The following CR1 variants were observed in gnomAD, a reference collection of about 807,000 sequenced individuals.
CR1 encodes the protein complement C3b/C4b receptor 1 (Knops blood group).
Under a neutral mutation model 187.3 loss-of-function variants are expected in CR1, and 116 were observed. The observed-to-expected ratio is 0.62, with a 90% CI of 0.53 to 0.72. The LOEUF is 0.72. CR1 is among the 30% of genes least tolerant of loss of function. The pLI is 0.00. For synonymous variants in CR1, 576 were observed against 747.1 expected (o/e 0.77, Z 3.73); for missense variants, 1,731 against 2,110.7 (o/e 0.82, Z 3.52).
chr1:207,520,931 G>C (rs1407018503), intron 4 of CR1, among the ~76,000 whole-genome samples: 1 of 66,768 alleles, frequency 1.5e-5, no homozygotes, highest in Non-Finnish European at 3.1e-5. Flanking sequence ...GAATTTCTTT[G>C]TATTGCTTGG....
chr1:207,625,105 A>T (rs576299351), intron 45 of CR1, among the ~76,000 whole-genome samples: 4 of 152,378 alleles, frequency 2.6e-5, no homozygotes, highest in African/African-American at 9.6e-5. Context: ...TCATTTCCTC[A>T]TATTAATCAC....
intron 27 of CR1, among the ~76,000 whole-genome samples, chr1:207,572,382 G>A (rs547674194): frequency 3.3e-5 from 5 of 151,390 alleles, no homozygotes; most frequent in Non-Finnish European, 5.9e-5. Context: ...CCACCACCCT[G>A]ATCAGTCAGC....
intron 34 of CR1, 124 bp from the exon 35 acceptor site, chr1:207,588,551 A>C: frequency 1.5e-6 from 1 of 675,806 alleles, no homozygotes; most frequent in Non-Finnish European, 2.6e-6. Context: ...AGTTTCCTCA[A>C]AGCAGTCAAT....
In CR1 at chr1:207,607,346, A is replaced by C. The variant is rs372043914; in HGVS notation, c.5896+10A>C. On this transcript the variant is annotated intron_variant, in intron 36 of 46. Transcript: ENST00000367049. ...GCACCTATTTGTGAGAGTAAGTTGA[A>C]ATACTTTTCTCCACAAATTCCTCTG... The C allele has an allele frequency of 6.9e-6, 11 of 1,595,320 alleles. No homozygotes were observed. Among genetic ancestry groups the C allele is most frequent in the Non-Finnish European group, 8.6e-6 (10 of 1,163,162 alleles).
At chr1:207,603,729 T>C (rs544949326) in intron 35 of CR1, among the ~76,000 whole-genome samples, 1 of 152,324 alleles carries the variant, frequency 6.6e-6, no homozygotes, top group African/African-American at 2.4e-5. Context: ...TTTTAGTGGT[T>C]GCATTTTGGT....
At chr1:207,618,297 A>G (rs1571604208) in intron 42 of CR1, 50 bp downstream of exon 42, 17 of 1,551,092 alleles carry the variant, frequency 1.1e-5, no homozygotes, top group Non-Finnish European at 1.5e-5. Flanking sequence ...TATGGAATGC[A>G]TGAGGCTTGT....
intron 33 of CR1, 145 bp downstream of exon 33, chr1:207,585,021 A>G (rs1661071341): frequency 7.6e-7 from 1 of 1,312,662 alleles, no homozygotes; most frequent in Admixed American, 2.7e-5. Context: ...CATAGCTAAA[A>G]CAGATGGGTT....
At chr1:207,502,780 A>G (rs1659311559) in intron 1 of CR1, among the ~76,000 whole-genome samples, 1 of 152,228 alleles carries the variant, frequency 6.6e-6, no homozygotes, top group Non-Finnish European at 1.5e-5. Context: ...TAGGCTTCCA[A>G]TTCTGACTAA....
At chr1:207,508,960 A>C (rs1659534143) in intron 3 of CR1, among the ~76,000 whole-genome samples, 1 of 152,172 alleles carries the variant, frequency 6.6e-6, no homozygotes, top group Non-Finnish European at 1.5e-5. Flanking sequence ...GACCCCATTC[A>C]TTTGGAGTTG....
At chr1:207,592,072 G>A (rs1200230506) in intron 35 of CR1, among the ~76,000 whole-genome samples, 1 of 152,106 alleles carries the variant, frequency 6.6e-6, no homozygotes, top group African/African-American at 2.4e-5. Flanking sequence ...GAAAAAGAGG[G>A]ACTCCTCCCT....
chr1:207,498,276 G>A (rs1887632), intron 1 of CR1, among the ~76,000 whole-genome samples: 8,659 of 152,276 alleles, frequency 0.057, 324 homozygotes, highest in Non-Finnish European at 0.092. Context: ...TCACCGAAAA[G>A]CGAGAAATCT....
chr1:207,505,936 G>T lies in CR1; in HGVS notation c.154G>T (p.Ala52Ser). The change falls in exon 2 of 47, where the codon GCC becomes TCC. Residue 52 changes from alanine to serine, a missense_variant. Physicochemically the swap from Ala to Ser is moderately conservative, Grantham distance 99. Transcript: ENST00000367049. The stretch of plus-strand genomic sequence containing the variant: ...CAATGCCCCAGAATGGCTTCCATTT[G>T]CCAGGCCTACCAACCTAACTGATGA... ...QCNAPEWLPF[A>S]RPTNLTDEFE... 1.2e-6 allele frequency: 2 copies of T among 1,613,874 alleles called. No homozygotes were observed. The highest frequency in any genetic ancestry group is 1.1e-5 in the South Asian group (1 of 91,068).
intron 35 of CR1, among the ~76,000 whole-genome samples, chr1:207,603,059 G>A (rs985920593): frequency 1.3e-5 from 2 of 152,056 alleles, no homozygotes; most frequent in Admixed American, 6.6e-5. Context: ...AATTATCCCT[G>A]AATTAGTATG....
At chr1:207,618,932 G>A (rs55882556) in intron 42 of CR1, among the ~76,000 whole-genome samples, 4,672 of 149,662 alleles carry the variant, frequency 0.031, 246 homozygotes, top group African/African-American at 0.11. Flanking sequence ...CCAGCTACTC[G>A]TGAGGCTGAG....
rs369487127 is a variant in CR1, at chr1:207,622,123, A to G, written c.7276+127A>G. On this transcript the variant is annotated intron_variant, in intron 44 of 46. Transcript: ENST00000367049. Reference sequence around the variant, plus strand: ...GGTGTAAAGAGATCAAAATATCTTCAGTTGTAAGTTCAACTAGAAAGAAAA... The same window carrying G: ...GGTGTAAAGAGATCAAAATATCTTCGGTTGTAAGTTCAACTAGAAAGAAAA... The G allele has an allele frequency of 1.3e-3, 810 of 606,946 alleles. 9 individuals are homozygous for G. In the South Asian group the frequency reaches 0.018, roughly 14 times the overall value. The allele number at this position is 606,946 out of a possible 1,614,324, so 37.6% of individuals were successfully genotyped here. A position where few individuals can be genotyped will look rare whatever the true frequency, so the allele number is the denominator to read the frequency against.
intron 23 of CR1, among the ~76,000 whole-genome samples, chr1:207,565,048 T>C (rs2102323481): frequency 6.7e-6 from 1 of 150,212 alleles, no homozygotes; most frequent in African/African-American, 2.5e-5. Context: ...GCTGGGGTCG[T>C]GATGGCTGCT....
intron 28 of CR1, among the ~76,000 whole-genome samples, chr1:207,577,489 G>C (rs939153088): frequency 7.2e-5 from 11 of 152,084 alleles, no homozygotes; most frequent in Admixed American, 6.5e-4. Flanking sequence ...TAGAAACCAG[G>C]CTGGGCACGG....
At chr1:207,637,708 T>C (rs1662859135) in intron 46 of CR1, among the ~76,000 whole-genome samples, 1 of 152,232 alleles carries the variant, frequency 6.6e-6, no homozygotes, top group Non-Finnish European at 1.5e-5. Flanking sequence ...GCAATGATCA[T>C]CTGTGGGGCC....
At chr1:207,564,981 A>G (rs1282459241) in intron 23 of CR1, among the ~76,000 whole-genome samples, 1 of 150,228 alleles carries the variant, frequency 6.7e-6, no homozygotes, top group Non-Finnish European at 1.5e-5. Context: ...AAAAATCAGC[A>G]TTTTTTTAAA....
Sources: allele counts gnomAD v4.1 joint callset (sites outside exome capture counted in the v4.1 genomes callset), GRCh38; gene constraint gnomAD v4.1.1; transcripts MANE v1.5; gene names NCBI Gene and HGNC (gene_info 2026-07-23, HGNC 2026-07-21).